C4BPA: variants seen among roughly 807,000 people sequenced by gnomAD.
C4BPA encodes the protein complement component 4 binding protein alpha, also known as C4b-binding protein alpha chain.
Under a neutral mutation model 63.7 loss-of-function variants are expected in C4BPA, and 31 were observed. The ratio of observed to expected loss-of-function variants is 0.49; its 90% CI spans 0.37 to 0.66. C4BPA has a LOEUF of 0.66. C4BPA is among the 30% of genes least tolerant of loss of function. C4BPA has a pLI of 0.00. For missense variants in C4BPA, 572 were observed against 723.3 expected (o/e 0.79, Z 2.40); for synonymous variants, 259 against 254.7 (o/e 1.02, Z -0.16).
chr1:207,106,456 T>TG (rs1684562144), intron 1 of C4BPA, among the ~76,000 whole-genome samples: 1 of 150,358 alleles, frequency 6.7e-6, no homozygotes, highest in African/African-American at 2.5e-5. Context: ...TTTTTTTTTT[T>TG]TGAAACGGAG....
intron 1 of C4BPA, among the ~76,000 whole-genome samples, chr1:207,111,201 A>G (rs1344014101): frequency 1.3e-5 from 2 of 152,178 alleles, no homozygotes; most frequent in African/African-American, 4.8e-5. Flanking sequence ...TAGAGTTAGG[A>G]AGGAGGATAA....
At chr1:207,108,034 T>A (rs753729589) in intron 1 of C4BPA, among the ~76,000 whole-genome samples, 2 of 152,316 alleles carry the variant, frequency 1.3e-5, no homozygotes, top group Non-Finnish European at 2.9e-5. Context: ...ACATAGTGAA[T>A]TTAGTTTGAA....
At position 207,124,374 on chromosome 1, in the gene C4BPA, A is replaced by G; in HGVS notation, c.706+8A>G. 1 of 1,585,732 alleles carries G rather than the reference A, an allele frequency of 6.3e-7. No homozygotes were observed. Among genetic ancestry groups the G allele is most frequent in the East Asian group, 2.2e-5 (1 of 44,642 alleles). The stretch of plus-strand genomic sequence containing the variant: ...GCCCTCCTACCTGTGAAAGTAAGTC[A>G]TAATGATGAATTCTGCATCAAAATG... On this transcript the variant is annotated splice_region_variant and intron_variant, in intron 6 of 11. Coordinates refer to ENST00000367070, the MANE Select transcript of C4BPA (RefSeq NM_000715.4).
At chr1:207,124,682 C>A (rs1053879440) in intron 6 of C4BPA, among the ~76,000 whole-genome samples, 5 of 152,178 alleles carry the variant, frequency 3.3e-5, no homozygotes, top group Admixed American at 3.3e-4. Flanking sequence ...CTCTCCAGGG[C>A]AGCCGTAGTC....
chr1:207,115,815 T>C (rs1396594973), intron 4 of C4BPA, among the ~76,000 whole-genome samples: 1 of 152,220 alleles, frequency 6.6e-6, no homozygotes, highest in Non-Finnish European at 1.5e-5. Flanking sequence ...ATTGTTTACT[T>C]ATCAATGTAT....
intron 6 of C4BPA, among the ~76,000 whole-genome samples, chr1:207,126,315 A>G (rs896729069): frequency 1.4e-5 from 2 of 148,092 alleles, no homozygotes; most frequent in Admixed American, 6.8e-5. Flanking sequence ...CTATTGGTAT[A>G]GTGTTATATA....
chr1:207,117,126 TATTTTAAAATCAGTGTTAGATTA>T (rs2102334665), intron 4 of C4BPA, among the ~76,000 whole-genome samples: 1 of 152,332 alleles, frequency 6.6e-6, no homozygotes, highest in South Asian at 2.1e-4. Flanking sequence ...AAGTTAGACA[TATTTTAAAATCAGTGTTAGATTA>T]GTTTTAAAAT....
At chr1:207,132,881 G>A (rs1158125712) in intron 8 of C4BPA, among the ~76,000 whole-genome samples, 4 of 151,998 alleles carry the variant, frequency 2.6e-5, no homozygotes, top group Admixed American at 6.6e-5. Context: ...AAAAATTAGC[G>A]GGATGTGGTG....
At chr1:207,127,980 A>G in intron 7 of C4BPA, among the ~76,000 whole-genome samples, 1 of 152,148 alleles carries the variant, frequency 6.6e-6, no homozygotes, top group East Asian at 1.9e-4. Context: ...GAAGTCGAAT[A>G]TTGAATCGGT....
At chr1:207,126,235 T>A in intron 6 of C4BPA, among the ~76,000 whole-genome samples, 1 of 148,640 alleles carries the variant, frequency 6.7e-6, no homozygotes, top group East Asian at 1.9e-4. Flanking sequence ...TTTATATATA[T>A]ACACACACAT....
In C4BPA at chr1:207,113,119, A is replaced by G; in HGVS notation, c.94A>G (p.Ile32Val). The stretch of plus-strand genomic sequence containing the variant: ...CAGGCTGTGGAAAGTCTCTGATCCA[A>G]TTCTCTTCCAAATGACCTTGATCGC... ...FSRLWKVSDPILFQMTLIAAL... is the reference protein window; with the variant it reads ...FSRLWKVSDPVLFQMTLIAAL... Residue 32 changes from isoleucine to valine, a missense_variant, in exon 2 of 12, where the codon ATT becomes GTT. By Grantham distance (29) the Ile-to-Val change is conservative (BLOSUM62 3). Around this residue, in one of 2 missense-constraint regions of C4BPA, gnomAD observed 107 missense variants for 93.9 expected, o/e 1.14. Transcript: ENST00000367070. 1 of 1,611,266 alleles carries G rather than the reference A, an allele frequency of 6.2e-7. No homozygotes were observed. Among genetic ancestry groups the G allele is most frequent in the Non-Finnish European group, 8.5e-7 (1 of 1,178,926 alleles).
intron 4 of C4BPA, among the ~76,000 whole-genome samples, chr1:207,120,395 T>A (rs11120232): frequency 6.6e-6 from 1 of 152,038 alleles, no homozygotes; most frequent in South Asian, 2.1e-4. Context: ...GTATTTGTAT[T>A]TGCTAAATCC....
At chr1:207,124,515 C>T (rs1357221068) in intron 6 of C4BPA, 149 bp downstream of exon 6, 7 of 642,970 alleles carry the variant, frequency 1.1e-5, no homozygotes, top group Non-Finnish European at 1.3e-5. Flanking sequence ...CCACCTGATA[C>T]TTATTGCATG....
intron 10 of C4BPA, 109 bp downstream of exon 10, chr1:207,141,385 G>A: frequency 1.2e-6 from 1 of 816,070 alleles, no homozygotes; most frequent in Non-Finnish European, 1.9e-6. Flanking sequence ...CATTTGATTT[G>A]ATTTATATTA....
intron 4 of C4BPA, among the ~76,000 whole-genome samples, chr1:207,120,522 T>C (rs1242266001): frequency 6.6e-6 from 1 of 152,050 alleles, no homozygotes; most frequent in Non-Finnish European, 1.5e-5. Flanking sequence ...TCCAACACTT[T>C]GAGAGGTTGA....
At chr1:207,113,966 G>A in intron 2 of C4BPA, 134 bp from the exon 3 acceptor site, 1 of 676,684 alleles carries the variant, frequency 1.5e-6, no homozygotes, top group East Asian at 2.6e-5. Context: ...AGTATAATAG[G>A]AGTTATGATT....
chr1:207,122,281 C>G (rs998118633), intron 4 of C4BPA, among the ~76,000 whole-genome samples: 8 of 152,070 alleles, frequency 5.3e-5, no homozygotes, highest in African/African-American at 1.9e-4. Context: ...GCATTGATAC[C>G]TAGAAGATAA....
chr1:207,132,409 A>G (rs779217747), intron 8 of C4BPA, among the ~76,000 whole-genome samples: 4 of 152,234 alleles, frequency 2.6e-5, no homozygotes, highest in South Asian at 2.1e-4. Context: ...TCTTCTATCC[A>G]TCTATCAGAA....
At chr1:207,121,378 T>C (rs965315012) in intron 4 of C4BPA, among the ~76,000 whole-genome samples, 14 of 152,134 alleles carry the variant, frequency 9.2e-5, no homozygotes, top group African/African-American at 3.4e-4. Flanking sequence ...AAAGTACCCA[T>C]TGTGTGTCAT....
Sources: allele counts gnomAD v4.1 joint callset (sites outside exome capture counted in the v4.1 genomes callset), GRCh38; gene constraint gnomAD v4.1.1; regional missense constraint gnomAD v4.1.1; transcripts MANE v1.5; gene names NCBI Gene and HGNC (gene_info 2026-07-23, HGNC 2026-07-21).